The following SMC1A variants were observed in gnomAD, a reference collection of about 807,000 sequenced individuals.
SMC1A encodes structural maintenance of chromosomes protein 1A.
In SMC1A, 4 loss-of-function variants were observed where a neutral mutation model predicts 94.5. The observed-to-expected ratio is 0.04, with a 90% CI of 0.02 to 0.10. SMC1A has a LOEUF of 0.10. SMC1A is among the 10% of genes least tolerant of loss of function. The pLI is 1.00. For missense variants in SMC1A, 304 were observed against 989.0 expected, an observed-to-expected ratio of 0.31 and a Z score of 9.29; for synonymous variants, 345 against 347.7, an observed-to-expected ratio of 0.99 and a Z score of 0.09.
chrX:53,376,472 C>T lies in SMC1A; in HGVS notation c.*3631G>A, dbSNP rs2075560085. 1 of 111,761 alleles carries T rather than the reference C, an allele frequency of 8.9e-6. No individual in the cohort carries two copies. Among genetic ancestry groups the T allele is most frequent in the South Asian group, 3.8e-4 (1 of 2,644 alleles). 9.2% of individuals were successfully genotyped at this position (111,761 alleles called of 1,213,427 possible). ...CCAGTTTGGGAACCACACTGTCCTA[C>T]AAAACAAATCTGAATTCTGTAGCCA... On this transcript the variant is annotated 3_prime_UTR_variant, in exon 25 of 25. Transcript: ENST00000322213.
chrX:53,392,314 C>T (rs2075632701), intron 19 of SMC1A, among the ~76,000 whole-genome samples: 1 of 108,774 alleles, frequency 9.2e-6, no homozygotes, highest in African/African-American at 3.4e-5. Flanking sequence ...ATCGAGTGAA[C>T]CTGGGAGGCA....
chrX:53,422,152 G>A (rs2075761024), intron 1 of SMC1A: 1 of 853,632 alleles, frequency 1.2e-6, no homozygotes. Context: ...GGCCGGTCCG[G>A]CGGGGAGCCG....
chrX:53,418,524 T>A (rs2075741120), intron 1 of SMC1A, among the ~76,000 whole-genome samples: 2 of 112,451 alleles, frequency 1.8e-5, no homozygotes, highest in African/African-American at 6.4e-5. Flanking sequence ...AGCCTTGACC[T>A]CCTTGGCTCA....
At chrX:53,407,273 C>T (rs185420903) in intron 9 of SMC1A, among the ~76,000 whole-genome samples, 9 of 111,420 alleles carry the variant, frequency 8.1e-5, no homozygotes, top group African/African-American at 2.3e-4. Context: ...ACCCCTACAA[C>T]CTTCAGGAGG....
rs782020066 is a variant in SMC1A at position 53,420,050 on chromosome X, C to A, written c.109+2442G>T. 1.9e-4 allele frequency among the ~76,000 whole-genome samples: 21 copies of A among 110,169 alleles called. No individual in the cohort carries two copies. In the East Asian group the frequency reaches 5.1e-3, roughly 27 times the overall value. On this transcript the variant is annotated intron_variant, in intron 1 of 24. Coordinates refer to ENST00000322213, the MANE Select transcript of SMC1A (RefSeq NM_006306.4). ...CTCACCTGGAAAAAGATGAAAAAAA[C>A]CACAATTCACGGGTCTAAAAATATG...
chrX:53,401,883 A>C (rs1556888940), intron 15 of SMC1A, among the ~76,000 whole-genome samples: 1 of 109,759 alleles, frequency 9.1e-6, no homozygotes, highest in Non-Finnish European at 1.9e-5. Context: ...TTCTCTTTCC[A>C]TGAAAGCCTA....
intron 9 of SMC1A, among the ~76,000 whole-genome samples, chrX:53,407,444 T>C (rs1556889896): frequency 8.9e-6 from 1 of 112,737 alleles, no homozygotes; most frequent in East Asian, 2.8e-4. Flanking sequence ...TATGCATCCA[T>C]CTGGCTGTTC....
At chrX:53,399,431 G>C (rs782790765) in intron 16 of SMC1A, among the ~76,000 whole-genome samples, 158 bp downstream of exon 16, 33 of 112,127 alleles carry the variant, frequency 2.9e-4, no homozygotes, top group African/African-American at 1.3e-4. Flanking sequence ...TGAACTGTTT[G>C]TGACATTTAT....
chrX:53,405,216 TG>T, intron 12 of SMC1A, 28 bp downstream of exon 12: 6 of 1,212,154 alleles, frequency 4.9e-6, no homozygotes, highest in Non-Finnish European at 6.7e-6. Context: ...GGACTCCCAC[TG>T]CTAAAAACAG....
intron 1 of SMC1A, 21 bp from the exon 2 acceptor site, chrX:53,415,190 C>A: frequency 8.5e-7 from 1 of 1,169,718 alleles, no homozygotes; most frequent in South Asian, 1.8e-5. Flanking sequence ...AGGGACGAGG[C>A]AGTAGAGGGA....
Position 53,380,054 on chromosome X carries a change from G to C in SMC1A, c.*49C>G. ...TGGGAGTCAAATATCCAGAGATTGG[G>C]AGAGGGACAGCTTAGGGATCCAGAC... On this transcript the variant is annotated 3_prime_UTR_variant, in exon 25 of 25. Coordinates refer to ENST00000322213, the MANE Select transcript of SMC1A (RefSeq NM_006306.4). The C allele has an allele frequency of 1.1e-6, 1 of 900,940 alleles. No individual in the cohort carries two copies. The highest frequency in any genetic ancestry group is 1.9e-5 in the African/African-American group (1 of 51,764). 74.2% of individuals were successfully genotyped at this position (900,940 alleles called of 1,213,427 possible).
intron 9 of SMC1A, among the ~76,000 whole-genome samples, chrX:53,406,582 A>G (rs1442282439): frequency 8.9e-6 from 1 of 112,096 alleles, no homozygotes; most frequent in Non-Finnish European, 1.9e-5. Flanking sequence ...ACAAGATTGA[A>G]TAGAAGCCTG....
At chrX:53,383,040 G>A (rs1346197512) in intron 20 of SMC1A, 57 bp downstream of exon 20, 56 of 1,100,403 alleles carry the variant, frequency 5.1e-5, no homozygotes, top group Non-Finnish European at 6.3e-5. Context: ...GCAGGCCCGT[G>A]GCATACCCTT....
At position 53,382,194 on chromosome X, in the gene SMC1A, C is replaced by T. The variant is rs370265714; in HGVS notation, c.3437+38G>A. 1.9e-4 allele frequency: 224 copies of T among 1,203,921 alleles called. No individual in the cohort carries two copies. The Middle Eastern group carries it at 3.0e-3, about 16-fold the overall frequency. On this transcript the variant is annotated intron_variant, in intron 22 of 24. Coordinates refer to ENST00000322213, the MANE Select transcript of SMC1A (RefSeq NM_006306.4). ...CCCAGAGCCTCTGGTGGCCTCAGTT[C>T]AGTCTCTTCGTCAACTGCCCTAGGG...
chrX:53,393,238 A>T (rs1556887510), intron 19 of SMC1A, among the ~76,000 whole-genome samples: 1 of 111,512 alleles, frequency 9.0e-6, no homozygotes, highest in African/African-American at 3.3e-5. Context: ...GTTCAGTAAC[A>T]TCAAGGGGAC....
At chrX:53,408,700 T>C (rs2075699754) in intron 9 of SMC1A, among the ~76,000 whole-genome samples, 1 of 110,484 alleles carries the variant, frequency 9.1e-6, no homozygotes, top group African/African-American at 3.3e-5. Context: ...TCCAGCCCCA[T>C]GGCCCCACCT....
rs138015913 is a variant in SMC1A, at chrX:53,380,668, C to T, written c.3570G>A (p.Lys1190=). 1.7e-6 allele frequency: 2 copies of T among 1,207,866 alleles called. No individual in the cohort carries two copies. Among genetic ancestry groups the T allele is most frequent in the African/African-American group, 3.5e-5 (2 of 56,855 alleles). ...TCTCGGCCTTGGTGTAGAACTCCTC[C>T]TTGAGAGAGATGACGATGGCCTGGA... ...CNFQAIVISL[K]EEFYTKAESL... The change falls in exon 24 of 25, where the codon AAG becomes AAA. Residue 1190 remains lysine (K), a synonymous_variant. Coordinates refer to ENST00000322213, the MANE Select transcript of SMC1A (RefSeq NM_006306.4).
intron 19 of SMC1A, among the ~76,000 whole-genome samples, chrX:53,390,973 C>CAAAAAAAAAAAAAAAAAAA (rs782771730): frequency 1.2e-4 from 4 of 34,319 alleles, no homozygotes; most frequent in African/African-American, 2.8e-4. Flanking sequence ...GACTCCGTCT[C>CAAAAAAAAAAAAAAAAAAA]AAAAAAAAAA....
chrX:53,411,351 G>A (rs2075712071), intron 7 of SMC1A, among the ~76,000 whole-genome samples: 1 of 111,014 alleles, frequency 9.0e-6, no homozygotes, highest in African/African-American at 3.3e-5. Flanking sequence ...CAGCACTTTG[G>A]GAGGCCGAAG....
Sources: allele counts gnomAD v4.1 joint callset (sites outside exome capture counted in the v4.1 genomes callset), GRCh38; gene constraint gnomAD v4.1.1; transcripts MANE v1.5; gene names NCBI Gene and HGNC (gene_info 2026-07-23, HGNC 2026-07-21).